The following MCPH1 variants were observed in gnomAD, a reference collection of about 807,000 sequenced individuals.
MCPH1 encodes the protein microcephalin 1, also known as microcephalin.
MCPH1 carries 104 observed loss-of-function variants against 84.5 expected under a neutral mutation model. The observed-to-expected ratio is 1.23, with a 90% confidence interval of 1.05 to 1.45. The LOEUF (loss-of-function observed/expected upper bound fraction) is 1.45, where lower values mean the gene tolerates loss of function less well. MCPH1 is among the 40% of genes most tolerant of loss of function. The probability of loss-of-function intolerance (pLI) is 0.00; values close to 1 mark genes in which losing one functional copy is unlikely to be tolerated. For missense variants in MCPH1, 1,498 were observed against 1,005.7 expected, an observed-to-expected ratio of 1.49 and a Z score of -6.62; for synonymous variants, 514 against 366.8, an observed-to-expected ratio of 1.40 and a Z score of -4.58.
intron 9 of MCPH1, among the ~76,000 whole-genome samples, chr8:6,473,086 C>G (rs550454818): frequency 6.6e-6 from 1 of 151,934 alleles, no homozygotes; most frequent in Non-Finnish European, 1.5e-5. Context: ...GCCAATTATA[C>G]AGAAAAAAGA....
At chr8:6,463,362 G>A (rs1806494711) in intron 9 of MCPH1, among the ~76,000 whole-genome samples, 1 of 152,126 alleles carries the variant, frequency 6.6e-6, no homozygotes, top group African/African-American at 2.4e-5. Context: ...CTGCGATAGG[G>A]TACTCACAGC....
At chr8:6,640,500 T>C (rs1445795861) in intron 13 of MCPH1, among the ~76,000 whole-genome samples, 2 of 152,234 alleles carry the variant, frequency 1.3e-5, no homozygotes, top group African/African-American at 2.4e-5. Flanking sequence ...TTATCATTCG[T>C]GAATTACCTG....
At chr8:6,544,009 A>T (rs542139420) in intron 12 of MCPH1, among the ~76,000 whole-genome samples, 1 of 152,246 alleles carries the variant, frequency 6.6e-6, no homozygotes, top group Admixed American at 6.5e-5. Context: ...TTTAGATCTG[A>T]TCAGCAGTAG....
chr8:6,636,126 G>A (rs1479656691), intron 13 of MCPH1, among the ~76,000 whole-genome samples: 1 of 152,124 alleles, frequency 6.6e-6, no homozygotes, highest in South Asian at 2.1e-4. Flanking sequence ...ATCACTTGAG[G>A]CCAGGAGTTC....
chr8:6,578,464 GTACATTTTAAATGTA>G (rs1827290115), intron 12 of MCPH1, among the ~76,000 whole-genome samples: 2 of 91,266 alleles, frequency 2.2e-5, no homozygotes, highest in Admixed American at 2.0e-4. Flanking sequence ...ATTTTTCAGA[GTACATTTTAAATGTA>G]AGTACATTTA....
chr8:6,616,953 C>G (rs1212462208), intron 12 of MCPH1: 1 of 152,106 alleles, frequency 6.6e-6, no homozygotes, highest in Non-Finnish European at 1.5e-5. Context: ...GGCCTGCCAC[C>G]TTATCTGCTT....
intron 12 of MCPH1, among the ~76,000 whole-genome samples, chr8:6,557,714 C>CACAT (rs972904886): frequency 2.0e-5 from 3 of 150,690 alleles, no homozygotes; most frequent in Non-Finnish European, 4.4e-5. Context: ...CACACACACA[C>CACAT]ATACATATAT....
At chr8:6,497,649 G>T (rs146636866) in intron 11 of MCPH1, among the ~76,000 whole-genome samples, 1 of 152,188 alleles carries the variant, frequency 6.6e-6, no homozygotes, top group Admixed American at 6.5e-5. Context: ...GTGAACACGG[G>T]ATGACTGGGT....
intron 8 of MCPH1, among the ~76,000 whole-genome samples, chr8:6,449,066 A>G (rs548009472): frequency 1.1e-4 from 17 of 152,302 alleles, no homozygotes; most frequent in African/African-American, 3.6e-4. Flanking sequence ...ATTGATTGCA[A>G]ATGTTTATTA....
At chr8:6,475,644 G>A (rs76303101) in intron 9 of MCPH1, among the ~76,000 whole-genome samples, 6,494 of 152,326 alleles carry the variant, frequency 0.043, 211 homozygotes, top group Middle Eastern at 0.11. Flanking sequence ...CTATCCCCAG[G>A]TCACCAGAAG....
At chr8:6,428,080 C>G (rs1801325964) in intron 3 of MCPH1, among the ~76,000 whole-genome samples, 1 of 152,000 alleles carries the variant, frequency 6.6e-6, no homozygotes, top group African/African-American at 2.4e-5. Context: ...CCACGCCTCG[C>G]CTATACTGTA....
At chr8:6,509,805 C>G (rs778674274) in intron 12 of MCPH1, among the ~76,000 whole-genome samples, 2 of 152,200 alleles carry the variant, frequency 1.3e-5, no homozygotes, top group African/African-American at 2.4e-5. Context: ...GTGCTCGGAA[C>G]ACTCACATTA....
At chr8:6,477,333 A>G (rs1808606459) in intron 9 of MCPH1, 2 of 450,170 alleles carry the variant, frequency 4.4e-6, no homozygotes, top group Non-Finnish European at 7.9e-6. Flanking sequence ...GGTGGAACAG[A>G]TTCCTGGGGG....
Position 6,609,536 on chromosome 8 carries a change from C to T in MCPH1, c.2215-11918C>T, listed in dbSNP as rs1361076139. The stretch of plus-strand genomic sequence containing the variant: ...GAGTTCCAGTGTCAGTTGTCTGAAT[C>T]GCCTTCAGCGAAAGTCAGGGGGAAA... On this transcript the variant is annotated intron_variant, in intron 12 of 13. Transcript: ENST00000344683. 3.9e-5 allele frequency among the ~76,000 whole-genome samples: 6 copies of T among 152,202 alleles called. No homozygotes were observed. The South Asian group carries it at 6.2e-4, about 16-fold the overall frequency.
At position 6,505,340 on chromosome 8, in the gene MCPH1, A is replaced by ATGT. The variant is rs1813258326; in HGVS notation, c.2214+5412_2214+5413insGTT. On this transcript the variant is annotated intron_variant, in intron 12 of 13. Transcript: ENST00000344683. Reference sequence around the variant, plus strand: ...TATATGTTATATACATATAGAAAGAATATATATATTCTTTCTATATGTATA... The same window carrying ATGT: ...TATATGTTATATACATATAGAAAGAATGTTATATATATTCTTTCTATATGTATA... Among the ~76,000 whole-genome samples, 2 of 40,940 alleles carry ATGT rather than the reference A, an allele frequency of 4.9e-5. 1 individual carries two copies. Among genetic ancestry groups the ATGT allele is most frequent in the Non-Finnish European group, 9.6e-5 (2 of 20,898 alleles). 26.9% of individuals were successfully genotyped at this position (40,940 alleles called of 152,430 possible). A position where few individuals can be genotyped will look rare whatever the true frequency, so the allele number is the denominator to read the frequency against.
intron 3 of MCPH1, among the ~76,000 whole-genome samples, chr8:6,423,406 C>A (rs932255611): frequency 6.6e-6 from 1 of 151,872 alleles, no homozygotes; most frequent in African/African-American, 2.4e-5. Context: ...ATCTTGTGAT[C>A]CGCCCGCCTC....
chr8:6,436,193 C>T (rs529681578), intron 5 of MCPH1, 31 bp downstream of exon 5: 2 of 1,604,198 alleles, frequency 1.2e-6, no homozygotes, highest in South Asian at 1.1e-5. Context: ...CAGTTCTTTG[C>T]ATTTGTGTCC....
intron 8 of MCPH1, among the ~76,000 whole-genome samples, chr8:6,451,271 T>G (rs1348570979): frequency 6.6e-6 from 1 of 152,220 alleles, no homozygotes; most frequent in African/African-American, 2.4e-5. Flanking sequence ...CTTAACTGTT[T>G]GGTTGATTCA....
intron 12 of MCPH1, among the ~76,000 whole-genome samples, chr8:6,568,275 G>A (rs967754296): frequency 1.3e-5 from 2 of 151,896 alleles, no homozygotes; most frequent in Admixed American, 1.3e-4. Flanking sequence ...TGGACCCATC[G>A]CTAGCTGAAT....
Sources: gnomAD v4.1 joint callset for allele counts (sites outside exome capture counted in the v4.1 genomes callset) on GRCh38, gnomAD v4.1.1 for gene constraint, MANE v1.5 for transcripts, NCBI Gene and HGNC (gene_info 2026-07-23, HGNC 2026-07-21) for gene names.